NFIB: variants seen among roughly 807,000 people sequenced by gnomAD.
The protein encoded by NFIB is nuclear factor I B.
NFIB carries 11 observed loss-of-function variants against 61.5 expected under a neutral mutation model. The ratio of observed to expected loss-of-function variants is 0.18; its 90% CI spans 0.11 to 0.30. The LOEUF (loss-of-function observed/expected upper bound fraction) is 0.30, where lower values mean the gene tolerates loss of function less well. Ranked by LOEUF, NFIB falls within the 10% of genes least tolerant of loss-of-function variation. The pLI, the probability that NFIB is intolerant of heterozygous loss-of-function variation, is 1.00. For missense variants in NFIB, 471 were observed against 608.9 expected, an observed-to-expected ratio of 0.77 and a Z score of 2.38; for synonymous variants, 260 against 216.5, an observed-to-expected ratio of 1.20 and a Z score of -1.76.
rs1388022211 is a variant in NFIB at position 14,100,714 on chromosome 9, A to C, written c.1467+12285T>G. ...GGTTGACAGAGCGAGACTCCGTCTC[A>C]AAACAAAAACATTACTAATAACTAG... is the stretch of plus-strand genomic sequence containing the variant. On this transcript the variant is annotated intron_variant, in intron 10 of 10. Coordinates refer to ENST00000380953, the MANE Select transcript of NFIB (RefSeq NM_001190737.2). 2.6e-5 allele frequency among the ~76,000 whole-genome samples: 4 copies of C among 152,392 alleles called. No individual in the cohort carries two copies. The East Asian group carries it at 7.7e-4, about 29-fold the overall frequency.
chr9:14,496,349 A>G, the NFIB span, among the ~76,000 whole-genome samples: 1 of 152,192 alleles, frequency 6.6e-6, no homozygotes, highest in Non-Finnish European at 1.5e-5. Context: ...TGTGTTGTGT[A>G]CCTACATTTG....
chr9:14,505,810 C>T, the NFIB span, among the ~76,000 whole-genome samples: 6 of 152,034 alleles, frequency 3.9e-5, no homozygotes, highest in East Asian at 1.9e-4. Context: ...AAGGGCTTGG[C>T]GCTTGACTCT....
At chr9:14,511,812 T>C in the NFIB span, among the ~76,000 whole-genome samples, 1 of 152,358 alleles carries the variant, frequency 6.6e-6, no homozygotes, top group South Asian at 2.1e-4. Flanking sequence ...ATTTATAATA[T>C]GTTTTGATAA....
At chr9:14,241,375 G>A (rs1286189112) in intron 2 of NFIB, among the ~76,000 whole-genome samples, 1 of 152,096 alleles carries the variant, frequency 6.6e-6, no homozygotes, top group Non-Finnish European at 1.5e-5. Flanking sequence ...TAATACATAA[G>A]TATAAATGTG....
At chr9:14,452,620 T>C in the NFIB span, among the ~76,000 whole-genome samples, 27 of 152,292 alleles carry the variant, frequency 1.8e-4, no homozygotes, top group African/African-American at 6.5e-4. Context: ...CAGAATATAA[T>C]GAGAAAATCT....
the NFIB span, among the ~76,000 whole-genome samples, chr9:14,456,255 G>A: frequency 6.6e-6 from 1 of 150,732 alleles, no homozygotes; most frequent in African/African-American, 2.4e-5. Flanking sequence ...ATATCACTTG[G>A]CTTTTAAAAA....
chr9:14,242,172 T>C (rs2054434274), intron 2 of NFIB, among the ~76,000 whole-genome samples: 2 of 152,250 alleles, frequency 1.3e-5, no homozygotes. Context: ...AGTCTTTATT[T>C]TTCAGATGAT....
chr9:14,395,553 C>T (rs1424509106), intron 1 of NFIB, among the ~76,000 whole-genome samples: 1 of 151,610 alleles, frequency 6.6e-6, no homozygotes, highest in Non-Finnish European at 1.5e-5. Context: ...TCCCTTAATC[C>T]ACACTAAAAT....
chr9:14,113,725 CA>C (rs915426385), intron 9 of NFIB, among the ~76,000 whole-genome samples: 19 of 152,264 alleles, frequency 1.2e-4, no homozygotes, highest in Non-Finnish European at 2.2e-4. Context: ...AGCACACATA[CA>C]AAAATCAATT....
intron 3 of NFIB, among the ~76,000 whole-genome samples, chr9:14,170,611 A>G (rs1383475039): frequency 6.6e-6 from 1 of 152,156 alleles, no homozygotes; most frequent in Non-Finnish European, 1.5e-5. Context: ...ACTGCACTCC[A>G]GCCTGGGCAA....
intron 1 of NFIB, among the ~76,000 whole-genome samples, chr9:14,376,838 A>T (rs977118905): frequency 2.6e-5 from 4 of 151,810 alleles, no homozygotes; most frequent in East Asian, 1.9e-4. Context: ...ATTTTTTTTA[A>T]AAAAAGAGAG....
At chr9:14,470,165 T>C in the NFIB span, among the ~76,000 whole-genome samples, 1 of 152,184 alleles carries the variant, frequency 6.6e-6, no homozygotes, top group Non-Finnish European at 1.5e-5. Flanking sequence ...AATGAGTTCA[T>C]GCAGGTGAGG....
the NFIB span, among the ~76,000 whole-genome samples, chr9:14,482,962 G>C: frequency 6.6e-6 from 1 of 152,264 alleles, no homozygotes; most frequent in South Asian, 2.1e-4. Context: ...TCATGTGGAA[G>C]AGAAACAAAA....
chr9:14,375,715 C>G (rs2061411452), intron 1 of NFIB, among the ~76,000 whole-genome samples: 1 of 152,020 alleles, frequency 6.6e-6, no homozygotes, highest in Non-Finnish European at 1.5e-5. Context: ...TTGGTCAGAC[C>G]TTTGACACAC....
At chr9:14,425,009 A>G in the NFIB span, among the ~76,000 whole-genome samples, 1 of 152,142 alleles carries the variant, frequency 6.6e-6, no homozygotes, top group African/African-American at 2.4e-5. Flanking sequence ...AGAGACAAGG[A>G]AGGAGTAGTG....
At chr9:14,146,938 G>GCTGTC in intron 5 of NFIB, 131 bp from the exon 6 acceptor site, 1 of 1,223,716 alleles carries the variant, frequency 8.2e-7, no homozygotes, top group East Asian at 2.4e-5. Context: ...GAGTATAATG[G>GCTGTC]TGAGTATTGA....
At chr9:14,274,393 C>T (rs1458062279) in intron 2 of NFIB, among the ~76,000 whole-genome samples, 1 of 152,108 alleles carries the variant, frequency 6.6e-6, no homozygotes, top group East Asian at 1.9e-4. Context: ...AAGCTTTCCT[C>T]TAGTCAGAAG....
chr9:14,512,598 AC>A, the NFIB span, among the ~76,000 whole-genome samples: 2 of 152,334 alleles, frequency 1.3e-5, no homozygotes, highest in Admixed American at 6.5e-5. Context: ...GAAATAAAAA[AC>A]GTAATAAGTC....
At chr9:14,526,042 C>G in the NFIB span, among the ~76,000 whole-genome samples, 1 of 152,140 alleles carries the variant, frequency 6.6e-6, no homozygotes, top group African/African-American at 2.4e-5. Context: ...GTATGATTAT[C>G]TGCACTTTAC....
Sources: allele counts gnomAD v4.1 joint callset (sites outside exome capture counted in the v4.1 genomes callset), GRCh38; gene constraint gnomAD v4.1.1; transcripts MANE v1.5; gene names NCBI Gene and HGNC (gene_info 2026-07-23, HGNC 2026-07-21).